The following RETSAT variants were observed in gnomAD, a reference collection of about 807,000 sequenced individuals.
The protein encoded by RETSAT is retinol saturase, also known as all-trans-retinol 13,14-reductase.
RETSAT carries 35 observed loss-of-function variants against 61.6 expected under a neutral mutation model. That is an observed-to-expected ratio of 0.57 (90% CI 0.43 to 0.75). The LOEUF is 0.75. Ranked by LOEUF, RETSAT falls within the 30% of genes least tolerant of loss-of-function variation. The pLI is 0.00. For missense variants in RETSAT, 670 were observed against 759.5 expected (o/e 0.88, Z 1.38); for synonymous variants, 277 against 310.4 (o/e 0.89, Z 1.13).
chr2:85,348,630 C>CAA (rs11400450), intron 5 of RETSAT, among the ~76,000 whole-genome samples: 31 of 43,880 alleles, frequency 7.1e-4, no homozygotes, highest in South Asian at 2.0e-3. Flanking sequence ...GACTCCAACT[C>CAA]AAAAAAAAAA....
At position 85,342,043 on chromosome 2, in the gene RETSAT, A is replaced by G. The variant is rs1019106142; in HGVS notation, c.*1199T>C. 2 of 450,868 alleles carry G rather than the reference A, an allele frequency of 4.4e-6. No homozygotes were observed. The highest frequency in any genetic ancestry group is 4.0e-5 in the African/African-American group (2 of 50,090). 27.9% of individuals were successfully genotyped at this position (450,868 alleles called of 1,614,324 possible). A position where few individuals can be genotyped will look rare whatever the true frequency, so the allele number is the denominator to read the frequency against. On this transcript the variant is annotated 3_prime_UTR_variant, in exon 11 of 11. Coordinates refer to ENST00000295802, the MANE Select transcript of RETSAT (RefSeq NM_017750.4). Reference sequence around the variant, plus strand: ...GTTTTACTGAGCTTCTGCAAATGCCATCACAATAATAGTTTTGTTTTCTTG... The same window carrying G: ...GTTTTACTGAGCTTCTGCAAATGCCGTCACAATAATAGTTTTGTTTTCTTG...
At chr2:85,349,818 T>C in intron 4 of RETSAT, 1 of 625,474 alleles carries the variant, frequency 1.6e-6, no homozygotes, top group Non-Finnish European at 2.8e-6. Context: ...CCAAGGAGGA[T>C]AGTGTTGCTT....
At chr2:85,350,378 A>G in intron 3 of RETSAT, 137 bp from the exon 4 acceptor site, 1 of 681,836 alleles carries the variant, frequency 1.5e-6, no homozygotes, top group Admixed American at 2.8e-5. Flanking sequence ...GAATATTTTT[A>G]AAAAATCTAT....
At chr2:85,349,705 G>C (rs1172207071) in intron 4 of RETSAT, 124 bp from the exon 5 acceptor site, 7 of 855,042 alleles carry the variant, frequency 8.2e-6, no homozygotes, top group East Asian at 2.6e-5. Context: ...TGTTCCTCAG[G>C]GTCCAAGGCA....
intron 2 of RETSAT, among the ~76,000 whole-genome samples, 168 bp from the exon 3 acceptor site, chr2:85,351,189 C>G (rs151235773): frequency 6.6e-6 from 1 of 152,096 alleles, no homozygotes; most frequent in Non-Finnish European, 1.5e-5. Flanking sequence ...ACCGCCAGAT[C>G]GCTGCCCGAT....
chr2:85,352,404 C>A (rs768506960), intron 1 of RETSAT, among the ~76,000 whole-genome samples: 1 of 151,964 alleles, frequency 6.6e-6, no homozygotes, highest in Non-Finnish European at 1.5e-5. Context: ...CCACCACGCC[C>A]GGCTAATTTT....
chr2:85,351,388 G>A (rs1683297695), intron 2 of RETSAT: 1 of 437,652 alleles, frequency 2.3e-6, no homozygotes, highest in Non-Finnish European at 4.1e-6. Context: ...TTAGCGGGGT[G>A]TGGTGGCCCA....
At position 85,349,543 on chromosome 2, in the gene RETSAT, GGGCGTGCAT is replaced by G. The variant is rs1558683319; in HGVS notation, c.829_837del (p.Met277_Ala279del). On this transcript the variant is annotated inframe_deletion, in exon 5 of 11. Transcript: ENST00000295802. ...CCTTTCATGTAGTGGTTGACCAGCA[GGGCGTGCAT>G]GGAAAAGGCACTGTGGTTGGGGGTG... is the stretch of plus-strand genomic sequence containing the variant. 2 of 1,614,084 alleles carry G rather than the reference GGGCGTGCAT, an allele frequency of 1.2e-6. No individual in the cohort carries two copies. Among genetic ancestry groups the G allele is most frequent in the African/African-American group, 2.7e-5 (2 of 74,936 alleles).
At chr2:85,348,897 C>A (rs1323704762) in intron 5 of RETSAT, among the ~76,000 whole-genome samples, 1 of 151,358 alleles carries the variant, frequency 6.6e-6, no homozygotes, top group Non-Finnish European at 1.5e-5. Context: ...ACTATAGGTG[C>A]GTGCCACCAT....
Position 85,343,153 on chromosome 2 carries a change from C to A in RETSAT, c.*89G>T. The stretch of plus-strand genomic sequence containing the variant: ...ACCAAATTAGAGTGCTTTATACGTG[C>A]AAGGAACTAATGCAGAAAGACATTA... On this transcript the variant is annotated 3_prime_UTR_variant, in exon 11 of 11. Coordinates refer to ENST00000295802, the MANE Select transcript of RETSAT (RefSeq NM_017750.4). 2 of 1,552,242 alleles carry A rather than the reference C, an allele frequency of 1.3e-6. No individual in the cohort carries two copies. Among genetic ancestry groups the A allele is most frequent in the South Asian group, 1.2e-5 (1 of 83,180 alleles).
In RETSAT at chr2:85,341,969, C is replaced by T. The variant is rs1307552116; in HGVS notation, c.*1273G>A. ...CCCACTTTTTGTAACTTTATAATTACTTAATTTTATTTTTTTAAAGCTTAT... is the reference window on the plus strand; with the variant it reads ...CCCACTTTTTGTAACTTTATAATTATTTAATTTTATTTTTTTAAAGCTTAT... On this transcript the variant is annotated 3_prime_UTR_variant, in exon 11 of 11. Transcript: ENST00000295802. 3.3e-6 allele frequency: 2 copies of T among 613,998 alleles called. No homozygotes were observed. The highest frequency in any genetic ancestry group is 3.7e-5 in the African/African-American group (2 of 54,254). 38.0% of individuals were successfully genotyped at this position (613,998 alleles called of 1,614,324 possible). A position where few individuals can be genotyped will look rare whatever the true frequency, so the allele number is the denominator to read the frequency against.
intron 3 of RETSAT, 85 bp from the exon 4 acceptor site, chr2:85,350,326 G>T (rs1683277537): frequency 9.9e-7 from 1 of 1,006,132 alleles, no homozygotes. Flanking sequence ...ACCAGCCCAA[G>T]AATCCAGCAA....
At position 85,342,824 on chromosome 2, in the gene RETSAT, A is replaced by T. The variant is rs183409558; in HGVS notation, c.*418T>A. ...ACAGTGTAGAACTGTGCAGCGTAGC[A>T]CTAAATGAATGAGAGCAGAAGCCTC... is the stretch of plus-strand genomic sequence containing the variant. On this transcript the variant is annotated 3_prime_UTR_variant, in exon 11 of 11. Coordinates refer to ENST00000295802, the MANE Select transcript of RETSAT (RefSeq NM_017750.4). 10,067 of 171,048 alleles carry T rather than the reference A, an allele frequency of 0.059. 409 individuals carry two copies. The highest frequency in any genetic ancestry group is 0.15 in the African/African-American group (6,117 of 40,968). 10.6% of individuals were successfully genotyped at this position (171,048 alleles called of 1,614,324 possible). A position where few individuals can be genotyped will look rare whatever the true frequency, so the allele number is the denominator to read the frequency against.
intron 7 of RETSAT, 52 bp from the exon 8 acceptor site, chr2:85,344,400 C>A: frequency 6.3e-7 from 1 of 1,582,468 alleles, no homozygotes; most frequent in South Asian, 1.1e-5. Context: ...CCTCAAAACC[C>A]CAGAACCACT....
At position 85,342,317 on chromosome 2, in the gene RETSAT, TC is replaced by T. The variant is rs2104430432; in HGVS notation, c.*924del. Reference sequence around the variant, plus strand: ...TGGCTTTCCCTTTTCTGATGTGACTTCCCTCCCTTACCCCACACCTCCCTGC... The same window carrying T: ...TGGCTTTCCCTTTTCTGATGTGACTTCCTCCCTTACCCCACACCTCCCTGC... On this transcript the variant is annotated 3_prime_UTR_variant, in exon 11 of 11. Coordinates refer to ENST00000295802, the MANE Select transcript of RETSAT (RefSeq NM_017750.4). 5.9e-6 allele frequency: 1 copy of T among 169,704 alleles called. No individual in the cohort carries two copies. Among genetic ancestry groups the T allele is most frequent in the East Asian group, 1.8e-4 (1 of 5,452 alleles). The allele number at this position is 169,704 out of a possible 1,614,324, so 10.5% of individuals were successfully genotyped here. A position where few individuals can be genotyped will look rare whatever the true frequency, so the allele number is the denominator to read the frequency against.
chr2:85,345,129 C>T (rs1243484391), intron 6 of RETSAT, among the ~76,000 whole-genome samples: 1 of 152,182 alleles, frequency 6.6e-6, no homozygotes, highest in Non-Finnish European at 1.5e-5. Flanking sequence ...GCCCCTGGGC[C>T]ATCTCTGCCT....
Position 85,343,654 on chromosome 2 carries a change from T to C in RETSAT, c.1678A>G (p.Asn560Asp), listed in dbSNP as rs762947864. 2 of 1,612,936 alleles carry C rather than the reference T, an allele frequency of 1.2e-6. No individual in the cohort carries two copies. The highest frequency in any genetic ancestry group is 1.1e-5 in the South Asian group (1 of 91,032). The change falls in exon 10 of 11, where the codon AAC becomes GAC. Residue 560 changes from asparagine to aspartate, a missense_variant. Transcript: ENST00000295802. ...ASLRAQSPIP[N>D]LYLTGQDIFT... Reference sequence around the variant, plus strand: ...GTGAGTATACCTGTCAGATAGAGGTTGGGGATGGGGCTCTGGGCCCTCAAG... The same window carrying C: ...GTGAGTATACCTGTCAGATAGAGGTCGGGGATGGGGCTCTGGGCCCTCAAG...
chr2:85,343,192 G>GGAGAT lies in RETSAT; in HGVS notation c.*45_*49dup. On this transcript the variant is annotated 3_prime_UTR_variant, in exon 11 of 11. Coordinates refer to ENST00000295802, the MANE Select transcript of RETSAT (RefSeq NM_017750.4). Reference sequence around the variant, plus strand: ...AGAAAGACATTATGGGTAAGTCAAGGGAGATGCCCCAGCCATTGGGCAAAT... The same window carrying GGAGAT: ...AGAAAGACATTATGGGTAAGTCAAGGGAGATGAGATGCCCCAGCCATTGGGCAAAT... 1 of 1,605,910 alleles carries GGAGAT rather than the reference G, an allele frequency of 6.2e-7. No individual in the cohort carries two copies. Among genetic ancestry groups the GGAGAT allele is most frequent in the African/African-American group, 1.3e-5 (1 of 74,910 alleles).
At position 85,342,829 on chromosome 2, in the gene RETSAT, A is replaced by G. The variant is rs60340620; in HGVS notation, c.*413T>C. ...GTAGAACTGTGCAGCGTAGCACTAAATGAATGAGAGCAGAAGCCTCAGGAC... is the reference window on the plus strand; with the variant it reads ...GTAGAACTGTGCAGCGTAGCACTAAGTGAATGAGAGCAGAAGCCTCAGGAC... On this transcript the variant is annotated 3_prime_UTR_variant, in exon 11 of 11. Transcript: ENST00000295802. The G allele has an allele frequency of 0.076, 11,622 of 152,736 alleles. 600 individuals carry two copies. The highest frequency in any genetic ancestry group is 0.17 in the African/African-American group (6,679 of 38,406). The allele number at this position is 152,736 out of a possible 1,614,324, so 9.5% of individuals were successfully genotyped here.
Sources: allele counts gnomAD v4.1 joint callset (sites outside exome capture counted in the v4.1 genomes callset), GRCh38; gene constraint gnomAD v4.1.1; transcripts MANE v1.5; gene names NCBI Gene and HGNC (gene_info 2026-07-23, HGNC 2026-07-21).